COL11A1: variants seen among roughly 807,000 people sequenced by gnomAD.
COL11A1 encodes collagen type XI alpha 1 chain.
Under a neutral mutation model 265.2 loss-of-function variants are expected in COL11A1, and 74 were observed. The observed-to-expected ratio is 0.28, with a 90% confidence interval of 0.23 to 0.34. COL11A1 has a LOEUF of 0.34. Among genes scored for constraint, COL11A1 ranks in the 10% least tolerant of loss-of-function variants. COL11A1 has a pLI of 1.00. For synonymous variants in COL11A1, 816 were observed against 727.6 expected (o/e 1.12, Z -1.96); for missense variants, 2,165 against 2,263.6 (o/e 0.96, Z 0.88).
chr1:103,083,545 A>G (rs1052882144), intron 1 of COL11A1, among the ~76,000 whole-genome samples: 1 of 152,112 alleles, frequency 6.6e-6, no homozygotes, highest in African/African-American at 2.4e-5. Context: ...CTACTTAGTC[A>G]TTTTGTATAC....
chr1:102,914,471 C>T, intron 51 of COL11A1, 66 bp from the exon 52 acceptor site: 1 of 1,436,890 alleles, frequency 7.0e-7, no homozygotes, highest in Non-Finnish European at 9.5e-7. Context: ...TTATGACATT[C>T]TGGAGGTGAA....
At chr1:102,904,367 G>T (rs1653626629) in intron 54 of COL11A1, among the ~76,000 whole-genome samples, 1 of 152,080 alleles carries the variant, frequency 6.6e-6, no homozygotes, top group African/African-American at 2.4e-5. Flanking sequence ...AGCCAAAATT[G>T]ACAAATGGGA....
Position 103,025,320 on chromosome 1 carries a change from C to T in COL11A1, c.990+201G>A, listed in dbSNP as rs550128248. 3.9e-5 allele frequency among the ~76,000 whole-genome samples: 6 copies of T among 152,140 alleles called. No individual in the cohort carries two copies. The East Asian group carries it at 5.8e-4, about 15-fold the overall frequency. On this transcript the variant is annotated intron_variant, in intron 7 of 66. Coordinates refer to ENST00000370096, the MANE Select transcript of COL11A1 (RefSeq NM_001854.4). ...AGCATCTGCATGAAGCAAAGAGTCA[C>T]GCAAAACCTGAATTGGCATTGATTT...
At position 102,932,209 on chromosome 1, in the gene COL11A1, C is replaced by A. The variant is rs555051417; in HGVS notation, c.3600+2240G>T. Among the ~76,000 whole-genome samples, 75 of 152,050 alleles carry A rather than the reference C, an allele frequency of 4.9e-4. No homozygotes were observed. In the South Asian group the frequency reaches 9.6e-3, roughly 19 times the overall value. ...GTCTCGATGGTCTTTACATTTTGGC[C>A]TGATTTTGCAGTGGCTGGTGCCGGT... On this transcript the variant is annotated intron_variant, in intron 46 of 66. Coordinates refer to ENST00000370096, the MANE Select transcript of COL11A1 (RefSeq NM_001854.4).
chr1:102,929,217 G>T, intron 46 of COL11A1, among the ~76,000 whole-genome samples: 1 of 143,424 alleles, frequency 7.0e-6, no homozygotes, highest in Non-Finnish European at 1.5e-5. Context: ...GGGTTTTTAT[G>T]GTTTTAGGTC....
intron 46 of COL11A1, among the ~76,000 whole-genome samples, chr1:102,931,688 T>TG (rs1229951922): frequency 2.6e-5 from 4 of 151,934 alleles, no homozygotes; most frequent in Admixed American, 1.3e-4. Flanking sequence ...ATGTTGACAG[T>TG]GGGGTGTTAA....
At chr1:103,020,266 T>C (rs1666922722) in intron 9 of COL11A1, among the ~76,000 whole-genome samples, 1 of 141,206 alleles carries the variant, frequency 7.1e-6, no homozygotes, top group East Asian at 2.2e-4. Flanking sequence ...TCCTGACTTT[T>C]TAATGATTGC....
chr1:102,987,568 G>T, intron 30 of COL11A1, 65 bp downstream of exon 30: 2 of 1,243,150 alleles, frequency 1.6e-6, no homozygotes, highest in East Asian at 2.3e-5. Flanking sequence ...GTTATTGAAA[G>T]AAATTTAAAT....
In COL11A1 at chr1:102,989,252, A is replaced by ATG. The variant is rs147165560; in HGVS notation, c.2394+264_2394+265dup. On this transcript the variant is annotated intron_variant, in intron 29 of 66. Coordinates refer to ENST00000370096, the MANE Select transcript of COL11A1 (RefSeq NM_001854.4). Reference sequence around the variant, plus strand: ...TATAAATACTAACACGTGTGTGTGCATGTGTGTGTGTGTGTGTGCACGCGT... The same window carrying ATG: ...TATAAATACTAACACGTGTGTGTGCATGTGTGTGTGTGTGTGTGTGCACGCGT... Among the ~76,000 whole-genome samples, 286 of 149,440 alleles carry ATG rather than the reference A, an allele frequency of 1.9e-3. 1 individual carries two copies. The highest frequency in any genetic ancestry group is 5.9e-3 in the South Asian group (28 of 4,772).
chr1:103,052,815 T>C (rs543765905), intron 4 of COL11A1, among the ~76,000 whole-genome samples: 1 of 152,170 alleles, frequency 6.6e-6, no homozygotes, highest in Non-Finnish European at 1.5e-5. Flanking sequence ...TTGGGATTGA[T>C]GTTGCTCCTG....
intron 59 of COL11A1, among the ~76,000 whole-genome samples, chr1:102,889,133 A>C (rs1651402308): frequency 1.3e-5 from 2 of 152,060 alleles, no homozygotes; most frequent in Non-Finnish European, 2.9e-5. Flanking sequence ...AATATCAATG[A>C]GGTTTTTGTT....
rs767619954 is a variant in COL11A1 at position 103,108,051 on chromosome 1, C to T, written c.106+22G>A. The stretch of plus-strand genomic sequence containing the variant: ...TAGGACCGACGGCAATCTCCCACCT[C>T]CCCAAATCCATTTTTTCTTACCTCC... On this transcript the variant is annotated intron_variant, in intron 1 of 66. Transcript: ENST00000370096. 6 of 1,594,332 alleles carry T rather than the reference C, an allele frequency of 3.8e-6. No individual in the cohort carries two copies. The Admixed American group carries it at 8.3e-5, about 22-fold the overall frequency.
chr1:103,055,331 C>A lies in COL11A1; in HGVS notation c.651+19287G>T, dbSNP rs149775318. Among the ~76,000 whole-genome samples, 29 of 152,264 alleles carry A rather than the reference C, an allele frequency of 1.9e-4. No homozygotes were observed. In the East Asian group the frequency reaches 5.6e-3, roughly 29 times the overall value. On this transcript the variant is annotated intron_variant, in intron 4 of 66. Coordinates refer to ENST00000370096, the MANE Select transcript of COL11A1 (RefSeq NM_001854.4). The stretch of plus-strand genomic sequence containing the variant: ...TGTTATCATCTGTGCCTACTCACAT[C>A]CAACATTCTGCTTAAGTTCATATTT...
chr1:102,914,918 T>C, intron 50 of COL11A1, 107 bp from the exon 51 acceptor site: 1 of 903,624 alleles, frequency 1.1e-6, no homozygotes, highest in Non-Finnish European at 1.7e-6. Context: ...GAATATATTT[T>C]TTTTTTAGAC....
chr1:103,033,695 T>C (rs1043529800), intron 4 of COL11A1, among the ~76,000 whole-genome samples: 4 of 152,180 alleles, frequency 2.6e-5, no homozygotes, highest in African/African-American at 9.6e-5. Flanking sequence ...CAGTGTTCTT[T>C]ATTTGAGTTA....
chr1:103,069,104 G>A (rs961057577), intron 4 of COL11A1, among the ~76,000 whole-genome samples: 2 of 151,584 alleles, frequency 1.3e-5, no homozygotes, highest in African/African-American at 2.4e-5. Flanking sequence ...ACCCAAAATT[G>A]CTACAACAAT....
chr1:102,924,566 C>T (rs1656369733), intron 46 of COL11A1, among the ~76,000 whole-genome samples: 1 of 152,136 alleles, frequency 6.6e-6, no homozygotes, highest in Admixed American at 6.5e-5. Context: ...TAGGTGTTAA[C>T]TGTTTAGGAA....
chr1:103,011,828 T>C (rs1055481181), intron 14 of COL11A1, among the ~76,000 whole-genome samples: 2 of 152,108 alleles, frequency 1.3e-5, no homozygotes, highest in African/African-American at 4.8e-5. Flanking sequence ...TCTAGTGTAT[T>C]TGAAGATTTT....
Position 102,877,910 on chromosome 1 carries a change from C to T in COL11A1, c.*109G>A. ...ATTTCCTAAATGGTACCTGTATATG[C>T]AGCGTTGTTTTCTATACCATCCTTA... is the stretch of plus-strand genomic sequence containing the variant. On this transcript the variant is annotated 3_prime_UTR_variant, in exon 67 of 67. Coordinates refer to ENST00000370096, the MANE Select transcript of COL11A1 (RefSeq NM_001854.4). The T allele has an allele frequency of 9.4e-7, 1 of 1,068,634 alleles. No individual in the cohort carries two copies. The highest frequency in any genetic ancestry group is 1.3e-5 in the South Asian group (1 of 78,474). The allele number at this position is 1,068,634 out of a possible 1,614,324, so 66.2% of individuals were successfully genotyped here.
Sources: gnomAD v4.1 joint callset for allele counts (sites outside exome capture counted in the v4.1 genomes callset) on GRCh38, gnomAD v4.1.1 for gene constraint, MANE v1.5 for transcripts, NCBI Gene and HGNC (gene_info 2026-07-23, HGNC 2026-07-21) for gene names.